YPEL2: variants seen among roughly 807,000 people sequenced by gnomAD.
YPEL2 encodes the protein protein yippee-like 2.
YPEL2 carries 2 observed loss-of-function variants against 19.1 expected under a neutral mutation model. The ratio of observed to expected loss-of-function variants is 0.10; its 90% CI spans 0.04 to 0.33. The LOEUF (loss-of-function observed/expected upper bound fraction) is 0.33, where lower values mean the gene tolerates loss of function less well. Among genes scored for constraint, YPEL2 ranks in the 10% least tolerant of loss-of-function variants. The probability of loss-of-function intolerance (pLI) is 1.00; values close to 1 mark genes in which losing one functional copy is unlikely to be tolerated. For missense variants in YPEL2, 66 were observed against 140.7 expected, an observed-to-expected ratio of 0.47 and a Z score of 2.68; for synonymous variants, 52 against 50.0, an observed-to-expected ratio of 1.04 and a Z score of -0.17.
At position 59,370,354 on chromosome 17, in the gene YPEL2, C is replaced by T. The variant is rs148415378; in HGVS notation, c.117+16828C>T. The stretch of plus-strand genomic sequence containing the variant: ...CTGGGATTACAGGTGGGAGCCACTG[C>T]GCCCAGCCAGAATTTTTATTTTTAT... On this transcript the variant is annotated intron_variant, in intron 2 of 4. Coordinates refer to ENST00000312655, the MANE Select transcript of YPEL2 (RefSeq NM_001005404.4). Among the ~76,000 whole-genome samples the T allele has an allele frequency of 4.4e-4, 67 of 152,316 alleles. No homozygotes were observed. The East Asian group carries it at 7.9e-3, about 18-fold the overall frequency.
At chr17:59,342,977 CTG>C (rs1283982114) in intron 1 of YPEL2, among the ~76,000 whole-genome samples, 1 of 152,162 alleles carries the variant, frequency 6.6e-6, no homozygotes, top group South Asian at 2.1e-4. Flanking sequence ...CATACACAGA[CTG>C]TGTGAAGGGC....
chr17:59,389,020 CCTGTGCCCATGG>C lies in YPEL2; in HGVS notation c.162-334_162-323del, dbSNP rs1322183783. The C allele has an allele frequency of 1.2e-5, 4 of 332,270 alleles. No homozygotes were observed. The East Asian group carries it at 2.6e-4, about 21-fold the overall frequency. 20.6% of individuals were successfully genotyped at this position (332,270 alleles called of 1,614,324 possible). On this transcript the variant is annotated intron_variant, in intron 3 of 4. Coordinates refer to ENST00000312655, the MANE Select transcript of YPEL2 (RefSeq NM_001005404.4). ...TTCAGTCCTCAGTAAGCTGTGAGGA[CCTGTGCCCATGG>C]CTGTGGACTTCACAGTGTGGCTGTC...
chr17:59,349,314 A>T (rs1364185731), intron 1 of YPEL2, among the ~76,000 whole-genome samples: 1 of 148,356 alleles, frequency 6.7e-6, no homozygotes, highest in African/African-American at 2.5e-5. Context: ...TGTTCCTCTC[A>T]TGCAGCCTGC....
intron 1 of YPEL2, among the ~76,000 whole-genome samples, chr17:59,338,565 T>C (rs1297501154): frequency 6.6e-6 from 1 of 152,170 alleles, no homozygotes; most frequent in Admixed American, 6.6e-5. Flanking sequence ...TGGGGAACAG[T>C]TGTGCAGAGG....
intron 2 of YPEL2, among the ~76,000 whole-genome samples, chr17:59,365,042 C>T (rs2047861593): frequency 1.3e-5 from 2 of 152,228 alleles, no homozygotes; most frequent in African/African-American, 4.8e-5. Flanking sequence ...GTTCTTACCA[C>T]AGGGCCTGGC....
intron 2 of YPEL2, among the ~76,000 whole-genome samples, chr17:59,358,646 G>A (rs1191781630): frequency 1.3e-5 from 2 of 151,684 alleles, no homozygotes; most frequent in African/African-American, 4.8e-5. Context: ...TTTCATTCTT[G>A]TTGTCCAGGC....
intron 4 of YPEL2, among the ~76,000 whole-genome samples, chr17:59,394,816 C>T (rs2048029930): frequency 6.6e-6 from 1 of 152,244 alleles, no homozygotes; most frequent in African/African-American, 2.4e-5. Flanking sequence ...ACTGAGTGAA[C>T]CAGACTCCGT....
rs779987959 is a variant in YPEL2, at chr17:59,400,504, G to A, written c.*3314G>A. 2.7e-5 allele frequency: 4 copies of A among 147,010 alleles called. No individual in the cohort carries two copies. The highest frequency in any genetic ancestry group is 6.0e-5 in the Non-Finnish European group (4 of 67,132). The allele number at this position is 147,010 out of a possible 1,614,324, so 9.1% of individuals were successfully genotyped here. On this transcript the variant is annotated 3_prime_UTR_variant, in exon 5 of 5. Coordinates refer to ENST00000312655, the MANE Select transcript of YPEL2 (RefSeq NM_001005404.4). ...GTTTTCAGTTTTTTTTTTTTTTAAG[G>A]TCTCTATCACTTTAATCTGGATCAA...
chr17:59,392,555 G>T (rs562041814), intron 4 of YPEL2, among the ~76,000 whole-genome samples: 2 of 136,202 alleles, frequency 1.5e-5, no homozygotes, highest in Admixed American at 8.1e-5. Flanking sequence ...CTGTCACCCA[G>T]GCTGGAGTGC....
chr17:59,390,805 A>G (rs1281748575), intron 4 of YPEL2, among the ~76,000 whole-genome samples: 1 of 152,150 alleles, frequency 6.6e-6, no homozygotes, highest in Non-Finnish European at 1.5e-5. Flanking sequence ...GTGGTTAAGA[A>G]CCATCTAGGC....
At chr17:59,345,705 G>A (rs975097540) in intron 1 of YPEL2, among the ~76,000 whole-genome samples, 16 of 152,070 alleles carry the variant, frequency 1.1e-4, no homozygotes, top group African/African-American at 3.6e-4. Flanking sequence ...GGACGGGAAC[G>A]CCATTCCTTT....
chr17:59,386,226 C>T (rs190079992), intron 2 of YPEL2, among the ~76,000 whole-genome samples: 317 of 151,426 alleles, frequency 2.1e-3, no homozygotes, highest in Non-Finnish European at 3.1e-3. Flanking sequence ...ACTCTGGAGG[C>T]TCAGGCAGGA....
intron 2 of YPEL2, among the ~76,000 whole-genome samples, chr17:59,356,648 A>G (rs560142366): frequency 6.6e-6 from 1 of 152,322 alleles, no homozygotes; most frequent in Admixed American, 6.5e-5. Context: ...GTCTTAGTCC[A>G]TTAGGGCTGC....
chr17:59,389,418 G>A lies in YPEL2; in HGVS notation c.220G>A (p.Val74Ile), dbSNP rs1263830291. The A allele has an allele frequency of 2.5e-6, 4 of 1,614,016 alleles. No individual in the cohort carries two copies. The highest frequency in any genetic ancestry group is 1.3e-5 in the African/African-American group (1 of 74,928). The change falls in exon 4 of 5, where the codon GTC becomes ATC. Residue 74 changes from valine to isoleucine, a missense_variant. Coordinates refer to ENST00000312655, the MANE Select transcript of YPEL2 (RefSeq NM_001005404.4). ...ERVLLTGLHA[V>I]ADIYCENCKT... ...AGTGTTGCTAACAGGACTGCATGCA[G>A]TCGCAGACATTTACTGTGAAAACTG...
chr17:59,364,939 C>A (rs138338857), intron 2 of YPEL2, among the ~76,000 whole-genome samples: 6 of 152,134 alleles, frequency 3.9e-5, no homozygotes, highest in African/African-American at 1.2e-4. Flanking sequence ...TCCGCCTTTG[C>A]GTCTTAATGG....
At chr17:59,348,170 C>G (rs930476356) in intron 1 of YPEL2, among the ~76,000 whole-genome samples, 1 of 152,188 alleles carries the variant, frequency 6.6e-6, no homozygotes, top group Admixed American at 6.6e-5. Context: ...TGTGTGAGTC[C>G]AGAGCCCACT....
At chr17:59,360,281 G>A (rs1452021916) in intron 2 of YPEL2, among the ~76,000 whole-genome samples, 1 of 152,156 alleles carries the variant, frequency 6.6e-6, no homozygotes, top group Admixed American at 6.5e-5. Context: ...GTTTCACCGT[G>A]TTGGCCAGGA....
chr17:59,384,862 TTC>T (rs1409665498), intron 2 of YPEL2, among the ~76,000 whole-genome samples: 6 of 152,180 alleles, frequency 3.9e-5, no homozygotes, highest in Admixed American at 3.9e-4. Context: ...TTCAAAGTCT[TTC>T]TCTGTCATTA....
chr17:59,356,508 C>G (rs1223001851), intron 2 of YPEL2, among the ~76,000 whole-genome samples: 2 of 152,122 alleles, frequency 1.3e-5, no homozygotes, highest in South Asian at 2.1e-4. Context: ...AATCCAGTAC[C>G]AGGCTTTCTA....
Sources: allele counts gnomAD v4.1 joint callset (sites outside exome capture counted in the v4.1 genomes callset), GRCh38; gene constraint gnomAD v4.1.1; transcripts MANE v1.5; gene names NCBI Gene and HGNC (gene_info 2026-07-23, HGNC 2026-07-21).